The following NAV2 variants were observed in gnomAD, a reference collection of about 807,000 sequenced individuals.
NAV2 encodes the protein helicase, APC down-regulated 1.
In NAV2, 54 loss-of-function variants were observed where a neutral mutation model predicts 223.2. The observed-to-expected ratio is 0.24, with a 90% CI of 0.19 to 0.30. NAV2 has a LOEUF of 0.30. NAV2 is among the 10% of genes least tolerant of loss of function. The probability of loss-of-function intolerance (pLI) is 1.00; values close to 1 mark genes in which losing one functional copy is unlikely to be tolerated. For missense variants in NAV2, 2,806 were observed against 3,147.5 expected (o/e 0.89, Z 2.60); for synonymous variants, 1,279 against 1,239.3 (o/e 1.03, Z -0.67).
chr11:19,787,291 T>G (rs2057197128), intron 1 of NAV2, among the ~76,000 whole-genome samples: 1 of 142,946 alleles, frequency 7.0e-6, no homozygotes, highest in Non-Finnish European at 1.5e-5. Flanking sequence ...TTTTTTTTTT[T>G]TTTTTTTGGA....
chr11:19,747,869 C>T (rs533860745), intron 1 of NAV2, among the ~76,000 whole-genome samples: 28 of 152,296 alleles, frequency 1.8e-4, no homozygotes, highest in African/African-American at 6.7e-4. Context: ...TTCTGGAAAC[C>T]AGGAGCTTCC....
chr11:19,626,774 T>C (rs1473890759), intron 1 of NAV2, among the ~76,000 whole-genome samples: 3 of 152,340 alleles, frequency 2.0e-5, no homozygotes, highest in African/African-American at 7.2e-5. Context: ...AGGTATTTTA[T>C]TTTACATTTT....
intron 26 of NAV2, among the ~76,000 whole-genome samples, chr11:20,087,267 C>T (rs996922719): frequency 2.6e-5 from 4 of 152,334 alleles, no homozygotes; most frequent in Admixed American, 6.5e-5. Flanking sequence ...TCCTCCAAGC[C>T]ACTTTCCCCA....
intron 6 of NAV2, among the ~76,000 whole-genome samples, chr11:19,899,095 G>C (rs1222100852): frequency 2.6e-5 from 4 of 152,038 alleles, no homozygotes; most frequent in African/African-American, 7.2e-5. Flanking sequence ...GTTGGCGCTG[G>C]CTATTGCACC....
intron 1 of NAV2, among the ~76,000 whole-genome samples, chr11:19,582,884 T>C (rs2045768114): frequency 6.6e-6 from 1 of 152,244 alleles, no homozygotes; most frequent in Admixed American, 6.5e-5. Flanking sequence ...CCATATGAAC[T>C]TTAAAGTAGT....
At chr11:19,787,749 C>T (rs1231953354) in intron 1 of NAV2, among the ~76,000 whole-genome samples, 1 of 152,082 alleles carries the variant, frequency 6.6e-6, no homozygotes. Context: ...AGGAAGCCTC[C>T]CAAATCTAGG....
At chr11:19,644,080 G>GCA (rs151050783) in intron 1 of NAV2, among the ~76,000 whole-genome samples, 7,664 of 151,224 alleles carry the variant, frequency 0.051, 242 homozygotes, top group Non-Finnish European at 0.077. Context: ...GTGTGCATGT[G>GCA]CACACACACA....
chr11:19,599,417 G>A (rs1300407845), intron 1 of NAV2, among the ~76,000 whole-genome samples: 1 of 152,194 alleles, frequency 6.6e-6, no homozygotes, highest in African/African-American at 2.4e-5. Context: ...GCTACTCTGT[G>A]TTTGGAGGTT....
intron 1 of NAV2, among the ~76,000 whole-genome samples, chr11:19,565,749 A>G (rs1408638883): frequency 1.3e-5 from 2 of 152,226 alleles, no homozygotes; most frequent in Non-Finnish European, 2.9e-5. Context: ...GTGTGCAAAC[A>G]TGTGTGCACC....
chr11:19,982,569 T>G (rs183346513), intron 10 of NAV2, among the ~76,000 whole-genome samples: 20 of 152,314 alleles, frequency 1.3e-4, no homozygotes, highest in African/African-American at 3.8e-4. Context: ...ACACTTAGTC[T>G]GATTTACTCC....
At chr11:19,853,276 T>A (rs1297133165) in intron 3 of NAV2, among the ~76,000 whole-genome samples, 2 of 152,232 alleles carry the variant, frequency 1.3e-5, no homozygotes, top group African/African-American at 2.4e-5. Flanking sequence ...TAACAAAGCC[T>A]CTTTGCTGGG....
In NAV2 at chr11:20,045,182, C is replaced by T. The variant is rs148179344; in HGVS notation, c.3414C>T (p.Ser1138=). Residue 1138 remains serine (S), a synonymous_variant, in exon 14 of 38, where the codon AGC becomes AGT. Coordinates refer to ENST00000349880, the MANE Select transcript of NAV2 (RefSeq NM_145117.5). ...CCGGCCTGGCCATGATCACAGCCAG[C>T]GGGGTGACTGTCACCAGCAGGTCAG... ...SAAGLAMITA[S]GVTVTSRSAT... 91 of 1,614,136 alleles carry T rather than the reference C, an allele frequency of 5.6e-5. No homozygotes were observed. In the African/African-American group the frequency reaches 7.3e-4, roughly 13 times the overall value.
chr11:20,041,394 T>C (rs2056903205), intron 12 of NAV2, among the ~76,000 whole-genome samples: 1 of 152,218 alleles, frequency 6.6e-6, no homozygotes. Flanking sequence ...TTGATAAGGA[T>C]TAAATTTAAT....
chr11:20,045,569 G>A lies in NAV2; in HGVS notation c.3801G>A (p.Ser1267=), dbSNP rs377704332. Residue 1267 remains serine, a synonymous_variant, in exon 14 of 38, where the codon TCG becomes TCA. Coordinates refer to ENST00000349880, the MANE Select transcript of NAV2 (RefSeq NM_145117.5). The part of the protein sequence containing the change: ...SDNESVASCN[S]VKVNPAAQPV... ...ACGAGAGTGTGGCTTCCTGTAACTCGGTGAAAGTGAATCCGGCAGCCCAGC... is the reference window on the plus strand; with the variant it reads ...ACGAGAGTGTGGCTTCCTGTAACTCAGTGAAAGTGAATCCGGCAGCCCAGC... 56 of 1,614,024 alleles carry A rather than the reference G, an allele frequency of 3.5e-5. No homozygotes were observed. Among genetic ancestry groups the A allele is most frequent in the Admixed American group, 1.3e-4 (8 of 60,010 alleles).
At chr11:20,103,164 C>A in intron 32 of NAV2, 91 bp from the exon 33 acceptor site, 1 of 1,294,514 alleles carries the variant, frequency 7.7e-7, no homozygotes, top group Non-Finnish European at 1.1e-6. Context: ...TCTGCCTCCA[C>A]TGGCCTGGGT....
At chr11:19,467,050 T>TAG (rs1196393422) in intron 1 of NAV2, among the ~76,000 whole-genome samples, 3 of 131,584 alleles carry the variant, frequency 2.3e-5, no homozygotes, top group Middle Eastern at 4.3e-3. Flanking sequence ...GAGAGATAGA[T>TAG]AGAGAGAGAG....
intron 1 of NAV2, among the ~76,000 whole-genome samples, chr11:19,827,654 G>T (rs926987934): frequency 3.3e-5 from 5 of 152,152 alleles, no homozygotes; most frequent in Non-Finnish European, 2.9e-5. Flanking sequence ...TGGGACAGAT[G>T]GATGATAAGG....
intron 1 of NAV2, among the ~76,000 whole-genome samples, chr11:19,824,552 A>G (rs898483888): frequency 6.6e-6 from 1 of 152,186 alleles, no homozygotes; most frequent in Non-Finnish European, 1.5e-5. Context: ...CTGTTTCTCC[A>G]GTGTGTAGGG....
intron 1 of NAV2, among the ~76,000 whole-genome samples, chr11:19,358,980 A>G (rs556024899): frequency 7.2e-5 from 11 of 152,326 alleles, no homozygotes; most frequent in Non-Finnish European, 1.6e-4. Context: ...CTAGCCATTC[A>G]GTTTCATGTT....
Sources: gnomAD v4.1 joint callset for allele counts (sites outside exome capture counted in the v4.1 genomes callset) on GRCh38, gnomAD v4.1.1 for gene constraint, MANE v1.5 for transcripts, NCBI Gene and HGNC (gene_info 2026-07-23, HGNC 2026-07-21) for gene names.